Variants in PLA2R1 observed in about 807,000 individuals in gnomAD.
The protein encoded by PLA2R1 is secretory phospholipase A2 receptor.
In PLA2R1, 158 loss-of-function variants were observed where a neutral mutation model predicts 195.9. The ratio of observed to expected loss-of-function variants is 0.81; its 90% CI spans 0.71 to 0.92. The LOEUF (loss-of-function observed/expected upper bound fraction) is 0.92, where lower values mean the gene tolerates loss of function less well. Ranked by LOEUF, PLA2R1 falls within the 40% of genes least tolerant of loss-of-function variation. The probability of loss-of-function intolerance (pLI) is 0.00; values close to 1 mark genes in which losing one functional copy is unlikely to be tolerated. For missense variants in PLA2R1, 1,626 were observed against 1,764.6 expected (o/e 0.92, Z 1.41); for synonymous variants, 586 against 598.2 (o/e 0.98, Z 0.30).
intron 17 of PLA2R1, among the ~76,000 whole-genome samples, chr2:159,974,733 G>A (rs1689421613): frequency 7.1e-6 from 1 of 141,122 alleles, no homozygotes. Context: ...TCTAGTGGTT[G>A]TTCTGCAACT....
intron 1 of PLA2R1, among the ~76,000 whole-genome samples, chr2:160,060,611 G>A (rs936560894): frequency 1.6e-4 from 25 of 152,222 alleles, no homozygotes; most frequent in African/African-American, 6.0e-4. Context: ...ATTGCACCTA[G>A]TAGGTACAAG....
At chr2:159,925,326 G>A in the PLA2R1 span, among the ~76,000 whole-genome samples, 4,119 of 152,144 alleles carry the variant, frequency 0.027, 164 homozygotes, top group African/African-American at 0.089. Flanking sequence ...TTGACAAGGG[G>A]GAGAAAGCCA....
At chr2:159,993,996 T>C (rs1242047537) in intron 11 of PLA2R1, among the ~76,000 whole-genome samples, 1 of 152,004 alleles carries the variant, frequency 6.6e-6, no homozygotes, top group African/African-American at 2.4e-5. Flanking sequence ...TTTATAGGAC[T>C]ATCCCAGCTA....
rs750917637 is a variant in PLA2R1, at chr2:159,942,145, C to T, written c.4159G>A (p.Glu1387Lys). 5 of 1,610,500 alleles carry T rather than the reference C, an allele frequency of 3.1e-6. No homozygotes were observed. In the South Asian group the frequency reaches 5.5e-5, roughly 18 times the overall value. ...AACGTACCTTTTTCTGGCAGCGCCTCTGCAGTGTGAATATCTAAAATCAAA... is the reference window on the plus strand; with the variant it reads ...AACGTACCTTTTTCTGGCAGCGCCTTTGCAGTGTGAATATCTAAAATCAAA... ...CKMEADIHTA[E>K]ALPEKGPSHS... The change falls in exon 29 of 30, where the codon GAG becomes AAG. Residue 1387 changes from glutamate to lysine, a missense_variant. Glu to Lys is a moderately conservative substitution (Grantham distance 56). Transcript: ENST00000283243.
At chr2:159,970,942 G>A (rs1689119297) in intron 17 of PLA2R1, among the ~76,000 whole-genome samples, 1 of 148,442 alleles carries the variant, frequency 6.7e-6, no homozygotes, top group Non-Finnish European at 1.5e-5. Flanking sequence ...TCACACACTG[G>A]GGCCTGTCGG....
chr2:160,062,250 C>T (rs1371229050), intron 1 of PLA2R1, 45 bp downstream of exon 1: 2 of 1,274,936 alleles, frequency 1.6e-6, no homozygotes, highest in Non-Finnish European at 1.0e-6. Context: ...ACCCCGACCC[C>T]CCTCCCCAAC....
the PLA2R1 span, among the ~76,000 whole-genome samples, chr2:159,925,124 A>C: frequency 6.6e-6 from 1 of 152,080 alleles, no homozygotes; most frequent in South Asian, 2.1e-4. Context: ...TGAATTTTCC[A>C]GCTCCTCTCA....
chr2:160,039,911 A>G (rs948123405), intron 3 of PLA2R1, among the ~76,000 whole-genome samples: 1 of 150,998 alleles, frequency 6.6e-6, no homozygotes. Context: ...CCCAGTGGAA[A>G]CTTCTTAAGG....
intron 20 of PLA2R1, among the ~76,000 whole-genome samples, chr2:159,962,777 C>T (rs547409951): frequency 1.3e-5 from 2 of 152,158 alleles, no homozygotes; most frequent in Non-Finnish European, 2.9e-5. Context: ...AGCAAACTAA[C>T]ACAGGAACAG....
At chr2:159,931,800 C>G (rs192218190), downstream of PLA2R1, among the ~76,000 whole-genome samples, 361 of 152,204 alleles carry the variant, frequency 2.4e-3, 2 homozygotes, top group African/African-American at 7.9e-3. Flanking sequence ...TGCATAAAAC[C>G]AACAGGAAGG....
Position 159,949,668 on chromosome 2 carries a change from G to C in PLA2R1, c.3649C>G (p.Arg1217Gly), listed in dbSNP as rs960101159. 3.1e-6 allele frequency: 5 copies of C among 1,613,940 alleles called. No homozygotes were observed. The highest frequency in any genetic ancestry group is 4.2e-6 in the Non-Finnish European group (5 of 1,179,840). Residue 1217 changes from arginine (R) to glycine (G), a missense_variant, in exon 25 of 30, where the codon CGC becomes GGC. Transcript: ENST00000283243. ...GDCVFADSNG[R>G]WHSTACESFL... ...GACTCGCAGGCTGTGCTATGCCAGC[G>C]TCCGTTGCTGTCGGCAAAAACGCAG...
intron 17 of PLA2R1, among the ~76,000 whole-genome samples, chr2:159,972,878 A>T (rs1689280276): frequency 6.6e-6 from 1 of 152,130 alleles, no homozygotes; most frequent in East Asian, 1.9e-4. Context: ...GAAAATATTG[A>T]CATTCTTTTT....
chr2:160,021,067 A>G (rs1235255163), intron 7 of PLA2R1, among the ~76,000 whole-genome samples: 1 of 152,244 alleles, frequency 6.6e-6, no homozygotes, highest in Non-Finnish European at 1.5e-5. Context: ...TGAAAAGGGC[A>G]TGAAACAAAC....
rs1180113418 is a variant in PLA2R1, at chr2:159,938,431, GA to G, written c.*3346del. 1.3e-5 allele frequency: 2 copies of G among 152,284 alleles called. No homozygotes were observed. The highest frequency in any genetic ancestry group is 1.9e-4 in the East Asian group (1 of 5,206). The allele number at this position is 152,284 out of a possible 1,614,324, so 9.4% of individuals were successfully genotyped here. A position where few individuals can be genotyped will look rare whatever the true frequency, so the allele number is the denominator to read the frequency against. On this transcript the variant is annotated 3_prime_UTR_variant, in exon 30 of 30. Coordinates refer to ENST00000283243, the MANE Select transcript of PLA2R1 (RefSeq NM_007366.5). ...GCTATGGCATTTCGCCTTTCTGGAC[GA>G]AAAGAGTAGCTAATGGTAGCTAATG...
At chr2:160,036,764 A>G (rs1395184562) in intron 3 of PLA2R1, among the ~76,000 whole-genome samples, 2 of 152,034 alleles carry the variant, frequency 1.3e-5, no homozygotes, top group East Asian at 3.8e-4. Context: ...CCTTACCCCA[A>G]CCCAGAATCT....
rs1349213522 is a variant in PLA2R1, at chr2:159,946,913, A to G, written c.3855T>C (p.Ser1285=). 3 of 1,583,794 alleles carry G rather than the reference A, an allele frequency of 1.9e-6. No individual in the cohort carries two copies. Among genetic ancestry groups the G allele is most frequent in the Non-Finnish European group, 2.6e-6 (3 of 1,157,344 alleles). Residue 1285 remains serine (S), a synonymous_variant, in exon 27 of 30, where the codon TCT becomes TCC. Coordinates refer to ENST00000283243, the MANE Select transcript of PLA2R1 (RefSeq NM_007366.5). The part of the protein sequence containing the change: ...AAHEFCKKEG[S]NLLTIKDEAE... ...CCTCATCCTTGATTGTTAAAAGATT[A>G]GAACCTATAAGAGAGACAAGTAGCA...
intron 20 of PLA2R1, among the ~76,000 whole-genome samples, chr2:159,961,385 G>A (rs1204192089): frequency 6.6e-6 from 1 of 152,136 alleles, no homozygotes; most frequent in Non-Finnish European, 1.5e-5. Flanking sequence ...TAGAATAACT[G>A]AGGGAGCTTT....
chr2:159,984,147 A>G (rs1690161203), intron 12 of PLA2R1, 74 bp from the exon 13 acceptor site: 1 of 681,280 alleles, frequency 1.5e-6, no homozygotes, highest in Admixed American at 2.4e-5. Flanking sequence ...CAAGAAAGTA[A>G]CAGTAATATT....
At chr2:159,965,132 C>T (rs544351531) in intron 20 of PLA2R1, among the ~76,000 whole-genome samples, 4 of 152,258 alleles carry the variant, frequency 2.6e-5, no homozygotes, top group South Asian at 4.2e-4. Flanking sequence ...CTGTTACAAT[C>T]GATGAACCTG....
Sources: allele counts gnomAD v4.1 joint callset (sites outside exome capture counted in the v4.1 genomes callset), GRCh38; gene constraint gnomAD v4.1.1; transcripts MANE v1.5; gene names NCBI Gene and HGNC (gene_info 2026-07-23, HGNC 2026-07-21).